Variants in RGS7 observed in about 807,000 individuals in gnomAD.
The protein encoded by RGS7 is regulator of G protein signaling 7, also known as regulator of G-protein signaling 7.
A neutral mutation model predicts 81.1 loss-of-function variants in RGS7; 27 were observed. That is an observed-to-expected ratio of 0.33 (90% CI 0.25 to 0.46). RGS7 has a LOEUF of 0.46. Among genes scored for constraint, RGS7 ranks in the 20% least tolerant of loss-of-function variants. RGS7 has a pLI of 1.00. For missense variants in RGS7, 396 were observed against 607.4 expected, an observed-to-expected ratio of 0.65 and a Z score of 3.66; for synonymous variants, 208 against 207.7, an observed-to-expected ratio of 1.00 and a Z score of -0.01.
At chr1:240,992,975 ACT>A (rs1206527424) in intron 3 of RGS7, among the ~76,000 whole-genome samples, 1 of 151,908 alleles carries the variant, frequency 6.6e-6, no homozygotes, top group Non-Finnish European at 1.5e-5. Context: ...AGATTGCATG[ACT>A]GCATTCCAGC....
At chr1:241,162,047 G>A (rs1010343656) in intron 2 of RGS7, among the ~76,000 whole-genome samples, 1 of 151,998 alleles carries the variant, frequency 6.6e-6, no homozygotes. Context: ...AGGTAGCTAG[G>A]CAGACGTGAG....
At chr1:241,155,738 T>C (rs2069077512) in intron 2 of RGS7, among the ~76,000 whole-genome samples, 3 of 151,938 alleles carry the variant, frequency 2.0e-5, no homozygotes, top group Admixed American at 6.6e-5. Context: ...AAAAAAAATA[T>C]GGAAAACAAA....
intron 3 of RGS7, among the ~76,000 whole-genome samples, chr1:241,068,685 G>A (rs55664428): frequency 0.042 from 6,426 of 152,046 alleles, 178 homozygotes; most frequent in East Asian, 0.14. Context: ...GGAAGACAGA[G>A]GGAAGCAGTG....
intron 1 of RGS7, 114 bp from the exon 2 acceptor site, chr1:241,355,940 G>A: frequency 2.9e-6 from 2 of 684,512 alleles, no homozygotes; most frequent in Non-Finnish European, 5.4e-6. Context: ...GGGCTGGCTG[G>A]AGAAAGTGAC....
At chr1:241,149,483 G>T (rs893317765) in intron 2 of RGS7, among the ~76,000 whole-genome samples, 2 of 152,108 alleles carry the variant, frequency 1.3e-5, no homozygotes, top group Non-Finnish European at 2.9e-5. Flanking sequence ...TAAAGCTGCT[G>T]CCATGACTGG....
At chr1:240,857,579 G>A (rs1158535330) in intron 9 of RGS7, among the ~76,000 whole-genome samples, 1 of 151,698 alleles carries the variant, frequency 6.6e-6, no homozygotes, top group East Asian at 1.9e-4. Context: ...TCTTTTTCCT[G>A]TCTCTGTGGT....
intron 6 of RGS7, among the ~76,000 whole-genome samples, chr1:240,889,523 G>A (rs1667933558): frequency 6.6e-6 from 1 of 152,114 alleles, no homozygotes; most frequent in Non-Finnish European, 1.5e-5. Flanking sequence ...GAAACTCCTG[G>A]GAGCTGTGAG....
intron 2 of RGS7, among the ~76,000 whole-genome samples, chr1:241,351,523 C>T (rs2083250839): frequency 6.6e-6 from 1 of 152,006 alleles, no homozygotes; most frequent in Non-Finnish European, 1.5e-5. Context: ...TATTCAGGTA[C>T]CTGAGCTTCA....
At chr1:240,942,803 T>C (rs1677829817) in intron 4 of RGS7, among the ~76,000 whole-genome samples, 1 of 152,216 alleles carries the variant, frequency 6.6e-6, no homozygotes, top group South Asian at 2.1e-4. Context: ...TAGAAATCCT[T>C]CAAAATATTA....
chr1:241,152,128 C>T (rs527318132), intron 2 of RGS7, among the ~76,000 whole-genome samples: 28 of 147,408 alleles, frequency 1.9e-4, no homozygotes, highest in African/African-American at 7.3e-4. Flanking sequence ...ATAATTCCAG[C>T]TCATTAGCAG....
At chr1:241,342,693 G>T (rs2082634937) in intron 2 of RGS7, among the ~76,000 whole-genome samples, 1 of 152,194 alleles carries the variant, frequency 6.6e-6, no homozygotes. Flanking sequence ...TTCCTAAAGT[G>T]CGGACAATCC....
At chr1:241,062,540 C>CA (rs1259590556) in intron 3 of RGS7, among the ~76,000 whole-genome samples, 2 of 152,174 alleles carry the variant, frequency 1.3e-5, no homozygotes, top group Non-Finnish European at 2.9e-5. Context: ...TAGAGCATTT[C>CA]ATATGGGAGC....
intron 4 of RGS7, among the ~76,000 whole-genome samples, chr1:240,956,388 C>CAA (rs55931703): frequency 0.034 from 4,960 of 147,678 alleles, 259 homozygotes; most frequent in African/African-American, 0.11. Context: ...AACAAAAAAA[C>CAA]AAAAAAAAAA....
At chr1:241,336,383 A>G (rs1340861906) in intron 2 of RGS7, among the ~76,000 whole-genome samples, 1 of 152,186 alleles carries the variant, frequency 6.6e-6, no homozygotes, top group Non-Finnish European at 1.5e-5. Context: ...ATTTTGAAAT[A>G]TTCAATCATA....
At chr1:241,121,037 C>A (rs1378849341) in intron 2 of RGS7, among the ~76,000 whole-genome samples, 2 of 152,154 alleles carry the variant, frequency 1.3e-5, no homozygotes, top group African/African-American at 4.8e-5. Flanking sequence ...CATGAGATAG[C>A]CTCCACTTCT....
At chr1:241,021,737 G>C (rs987489213) in intron 3 of RGS7, among the ~76,000 whole-genome samples, 3 of 152,050 alleles carry the variant, frequency 2.0e-5, no homozygotes, top group Admixed American at 6.6e-5. Flanking sequence ...TTCCTAATGG[G>C]TATGGTAATA....
At chr1:241,022,560 C>T (rs1299676682) in intron 3 of RGS7, among the ~76,000 whole-genome samples, 2 of 152,116 alleles carry the variant, frequency 1.3e-5, no homozygotes, top group Admixed American at 6.6e-5. Context: ...GGTCTTATGG[C>T]CCCCATCCAG....
intron 16 of RGS7, among the ~76,000 whole-genome samples, chr1:240,802,120 T>C (rs371679784): frequency 6.6e-6 from 1 of 152,138 alleles, no homozygotes; most frequent in East Asian, 1.9e-4. Flanking sequence ...GTAAAGGCAA[T>C]GGACTTTTAA....
chr1:241,019,601 G>A (rs2059440453), intron 3 of RGS7, among the ~76,000 whole-genome samples: 1 of 152,006 alleles, frequency 6.6e-6, no homozygotes, highest in Non-Finnish European at 1.5e-5. Flanking sequence ...GTGAAAACAT[G>A]CGGTGTTTGG....
Sources: gnomAD v4.1 joint callset for allele counts (sites outside exome capture counted in the v4.1 genomes callset) on GRCh38, gnomAD v4.1.1 for gene constraint, MANE v1.5 for transcripts, NCBI Gene and HGNC (gene_info 2026-07-23, HGNC 2026-07-21) for gene names.